Variants in SAMD3 observed in about 807,000 individuals in gnomAD.
SAMD3 encodes sterile alpha motif domain-containing protein 3.
In SAMD3, 63 loss-of-function variants were observed where a neutral mutation model predicts 58.5. The ratio of observed to expected loss-of-function variants is 1.08; its 90% CI spans 0.88 to 1.33. The LOEUF (loss-of-function observed/expected upper bound fraction) is 1.33, where lower values mean the gene tolerates loss of function less well. SAMD3 is among the 40% of genes most tolerant of loss of function. SAMD3 has a pLI of 0.00. For missense variants in SAMD3, 604 were observed against 608.4 expected (o/e 0.99, Z 0.08); for synonymous variants, 220 against 210.3 (o/e 1.05, Z -0.40).
At chr6:130,244,468 G>C (rs555613058) in intron 2 of SAMD3, among the ~76,000 whole-genome samples, 1 of 152,252 alleles carries the variant, frequency 6.6e-6, no homozygotes, top group African/African-American at 2.4e-5. Flanking sequence ...GCTGGGCATG[G>C]TGGCCCAGCC....
At chr6:130,288,520 C>T (rs11154564) in intron 2 of SAMD3, among the ~76,000 whole-genome samples, 42,327 of 152,066 alleles carry the variant, frequency 0.28, 6,358 homozygotes, top group East Asian at 0.45. Flanking sequence ...TGTACCATAG[C>T]CTAGCCAAGG....
At chr6:130,199,405 C>G (rs1160583518) in intron 5 of SAMD3, among the ~76,000 whole-genome samples, 2 of 152,174 alleles carry the variant, frequency 1.3e-5, no homozygotes, top group Admixed American at 1.3e-4. Flanking sequence ...TGCAACATCC[C>G]AAACCTGAGA....
chr6:130,274,611 G>A (rs1377713151), intron 2 of SAMD3, among the ~76,000 whole-genome samples: 1 of 150,812 alleles, frequency 6.6e-6, no homozygotes, highest in Non-Finnish European at 1.5e-5. Flanking sequence ...TGCTGGCTTG[G>A]AGGAGGGGCT....
At chr6:130,249,119 T>C (rs751183734) in intron 2 of SAMD3, among the ~76,000 whole-genome samples, 3 of 152,112 alleles carry the variant, frequency 2.0e-5, no homozygotes, top group Non-Finnish European at 4.4e-5. Flanking sequence ...CCCATAGATA[T>C]GAACTTGGGC....
chr6:130,242,543 A>G (rs974915144), intron 2 of SAMD3, among the ~76,000 whole-genome samples: 1 of 152,236 alleles, frequency 6.6e-6, no homozygotes, highest in East Asian at 1.9e-4. Flanking sequence ...CAGGTAATAC[A>G]TTAGATGATG....
intron 9 of SAMD3, among the ~76,000 whole-genome samples, chr6:130,150,099 A>ATGTG (rs369929786): frequency 1.2e-4 from 17 of 136,952 alleles, no homozygotes; most frequent in Admixed American, 5.7e-4. Context: ...AATTTGGTTC[A>ATGTG]TGTGTGTGTG....
At chr6:130,250,983 T>G (rs888388768) in intron 2 of SAMD3, among the ~76,000 whole-genome samples, 2 of 152,242 alleles carry the variant, frequency 1.3e-5, no homozygotes, top group Non-Finnish European at 2.9e-5. Context: ...GGTAATATGA[T>G]AACCCTGTTT....
chr6:130,264,262 C>T (rs1275699972), intron 2 of SAMD3, among the ~76,000 whole-genome samples: 1 of 152,176 alleles, frequency 6.6e-6, no homozygotes, highest in East Asian at 1.9e-4. Flanking sequence ...AAGTCTGGCA[C>T]CCTGCGGTTC....
intron 9 of SAMD3, among the ~76,000 whole-genome samples, chr6:130,152,131 G>A (rs1288383869): frequency 6.6e-6 from 1 of 152,126 alleles, no homozygotes; most frequent in East Asian, 1.9e-4. Context: ...CTGCTGTTCT[G>A]CCACCCTGTC....
chr6:130,214,436 A>T lies in SAMD3; in HGVS notation c.170T>A (p.Met57Lys), dbSNP rs1795854830. Residue 57 changes from methionine (M) to lysine (K), a missense_variant, in exon 4 of 12, where the codon ATG becomes AAG. Met to Lys is a moderately conservative substitution (Grantham distance 95). Transcript: ENST00000439090. ...CTGCTTGTATTTTTTAATTAAATCC[A>T]TCAGAACAGCCTGGTGCCCAATTTT... is the stretch of plus-strand genomic sequence containing the variant. ...VKKIGHQAVL[M>K]DLIKKYKQNT... The T allele has an allele frequency of 1.2e-6, 2 of 1,613,272 alleles. No individual in the cohort carries two copies. Among genetic ancestry groups the T allele is most frequent in the East Asian group, 2.2e-5 (1 of 44,826 alleles).
intron 2 of SAMD3, among the ~76,000 whole-genome samples, chr6:130,257,858 G>T (rs1390814635): frequency 6.6e-6 from 1 of 151,984 alleles, no homozygotes; most frequent in Non-Finnish European, 1.5e-5. Flanking sequence ...TACTCTGAAG[G>T]TAAACACTAT....
intron 8 of SAMD3, among the ~76,000 whole-genome samples, chr6:130,166,040 G>C (rs930359499): frequency 2.0e-5 from 3 of 152,168 alleles, no homozygotes; most frequent in African/African-American, 7.2e-5. Context: ...ACAGCAGGAT[G>C]CTTCCCCAAG....
chr6:130,259,313 C>G (rs538681244), intron 2 of SAMD3, among the ~76,000 whole-genome samples: 77 of 152,286 alleles, frequency 5.1e-4, no homozygotes, highest in African/African-American at 1.2e-3. Context: ...GAGGCTCCTT[C>G]CACTCACTGT....
intron 9 of SAMD3, among the ~76,000 whole-genome samples, chr6:130,153,662 A>ATATATATTTATT (rs1423735345): frequency 2.3e-5 from 3 of 131,264 alleles, no homozygotes; most frequent in African/African-American, 8.3e-5. Context: ...ATATATATAT[A>ATATATATTTATT]TATTTATTTA....
At chr6:130,162,360 G>T in intron 8 of SAMD3, 1 of 679,952 alleles carries the variant, frequency 1.5e-6, no homozygotes, top group South Asian at 1.6e-5. Context: ...AAGACGGCAT[G>T]GTTAAAAATG....
chr6:130,288,967 T>A (rs1332734789), intron 2 of SAMD3, among the ~76,000 whole-genome samples: 1 of 152,236 alleles, frequency 6.6e-6, no homozygotes, highest in African/African-American at 2.4e-5. Flanking sequence ...TTTGGTTAAC[T>A]TCTATGCGCC....
intron 2 of SAMD3, among the ~76,000 whole-genome samples, chr6:130,276,774 C>G (rs4897396): frequency 0.31 from 47,227 of 151,886 alleles, 7,704 homozygotes; most frequent in East Asian, 0.47. Flanking sequence ...GAATTCATTA[C>G]TCATATCAGC....
intron 8 of SAMD3, among the ~76,000 whole-genome samples, chr6:130,155,962 CAAGA>C (rs763302168): frequency 7.2e-5 from 11 of 151,984 alleles, no homozygotes; most frequent in Non-Finnish European, 1.2e-4. Context: ...AAGAAAATAC[CAAGA>C]AAGACTTGAG....
chr6:130,207,451 A>C (rs1379871152), intron 5 of SAMD3, among the ~76,000 whole-genome samples: 2 of 152,142 alleles, frequency 1.3e-5, no homozygotes, highest in African/African-American at 4.8e-5. Context: ...GAGTGCTACT[A>C]GGGTAGGTAG....
Sources: gnomAD v4.1 joint callset for allele counts (sites outside exome capture counted in the v4.1 genomes callset) on GRCh38, gnomAD v4.1.1 for gene constraint, MANE v1.5 for transcripts, NCBI Gene and HGNC (gene_info 2026-07-23, HGNC 2026-07-21) for gene names.